The following CHRNB3 variants were observed in gnomAD, a reference collection of about 807,000 sequenced individuals.
CHRNB3 encodes the protein neuronal acetylcholine receptor subunit beta-3.
CHRNB3 carries 37 observed loss-of-function variants against 40.6 expected under a neutral mutation model. That is an observed-to-expected ratio of 0.91 (90% confidence interval 0.70 to 1.20). The LOEUF (loss-of-function observed/expected upper bound fraction) is 1.20. CHRNB3 is among the 50% of genes most tolerant of loss of function. The probability of loss-of-function intolerance (pLI) is 0.00; values close to 1 mark genes in which losing one functional copy is unlikely to be tolerated. For synonymous variants in CHRNB3, 207 were observed against 207.1 expected (o/e 1.00, Z 0.00); for missense variants, 505 against 551.2 (o/e 0.92, Z 0.84).
intron 5 of CHRNB3, 97 bp from the exon 6 acceptor site, chr8:42,736,387 C>T (rs1293423751): frequency 1.0e-5 from 15 of 1,429,542 alleles, no homozygotes; most frequent in Non-Finnish European, 1.4e-5. Context: ...TAAGTAAATG[C>T]TATAAATCTG....
intron 3 of CHRNB3, chr8:42,714,795 G>A (rs1816073572): frequency 6.6e-6 from 1 of 152,226 alleles, no homozygotes; most frequent in Admixed American, 6.5e-5. Flanking sequence ...AAACAGAACT[G>A]GAGAGTGGAA....
chr8:42,723,038 A>G (rs1346074116), intron 3 of CHRNB3, among the ~76,000 whole-genome samples: 1 of 143,108 alleles, frequency 7.0e-6, no homozygotes, highest in Non-Finnish European at 1.6e-5. Flanking sequence ...AAGATATCCT[A>G]TTACTTAGAT....
chr8:42,731,057 A>AAAATAAATAAAT (rs201920356), intron 4 of CHRNB3, among the ~76,000 whole-genome samples: 1 of 138,802 alleles, frequency 7.2e-6, no homozygotes, highest in African/African-American at 2.8e-5. Flanking sequence ...TCCGTCTCAA[A>AAAATAAATAAAT]AAATAAATAA....
At chr8:42,717,847 G>A (rs1455712985) in intron 3 of CHRNB3, among the ~76,000 whole-genome samples, 1 of 133,402 alleles carries the variant, frequency 7.5e-6, no homozygotes, top group South Asian at 2.4e-4. Context: ...TTTTTTTGAG[G>A]CAGAGTCTCA....
At chr8:42,718,678 A>C (rs796691249) in intron 3 of CHRNB3, among the ~76,000 whole-genome samples, 1 of 28,106 alleles carries the variant, frequency 3.6e-5, no homozygotes, top group African/African-American at 4.9e-5. Context: ...GTCTCAAAAA[A>C]AAAAAAAAAA....
chr8:42,710,546 A>T, intron 3 of CHRNB3, 112 bp downstream of exon 3: 1 of 850,096 alleles, frequency 1.2e-6, no homozygotes, highest in Admixed American at 2.6e-5. Context: ...TTCCTCAGGG[A>T]GATTTGTGGG....
Position 42,736,658 on chromosome 8 carries a change from G to A in CHRNB3, c.*40G>A. 1 of 1,610,416 alleles carries A rather than the reference G, an allele frequency of 6.2e-7. No individual in the cohort carries two copies. The highest frequency in any genetic ancestry group is 8.5e-7 in the Non-Finnish European group (1 of 1,177,532). On this transcript the variant is annotated 3_prime_UTR_variant, in exon 6 of 6. Transcript: ENST00000289957. ...TAAGACTAAATTACACCTTAGACCT[G>A]ACATCTGGCTATCACACAGACAGAA...
chr8:42,723,291 T>G (rs981576455), intron 3 of CHRNB3, among the ~76,000 whole-genome samples: 1 of 152,152 alleles, frequency 6.6e-6, no homozygotes, highest in African/African-American at 2.4e-5. Context: ...TTTTAACAGG[T>G]GTTTTGCTAT....
In CHRNB3 at chr8:42,727,170, C is replaced by T. The variant is rs562425091; in HGVS notation, c.250-3424C>T. Among the ~76,000 whole-genome samples the T allele has an allele frequency of 2.2e-4, 34 of 152,066 alleles. No homozygotes were observed. The South Asian group carries it at 5.4e-3, about 24-fold the overall frequency. On this transcript the variant is annotated intron_variant, in intron 3 of 5. Coordinates refer to ENST00000289957, the MANE Select transcript of CHRNB3 (RefSeq NM_000749.5). ...GCTGGATCACTTGAGGTCAGGAGTTCGAGACCAGCCTGGCCAACATAGTGA... is the reference window on the plus strand; with the variant it reads ...GCTGGATCACTTGAGGTCAGGAGTTTGAGACCAGCCTGGCCAACATAGTGA...
chr8:42,697,386 A>G lies in CHRNB3; in HGVS notation c.-161A>G. On this transcript the variant is annotated 5_prime_UTR_variant, in exon 1 of 6. Coordinates refer to ENST00000289957, the MANE Select transcript of CHRNB3 (RefSeq NM_000749.5). ...ACTTTGAGAAGCGGCACACTCGGCG[A>G]GAGGGGTTGAGATTGTTTTATTCCA... 1 of 599,482 alleles carries G rather than the reference A, an allele frequency of 1.7e-6. No homozygotes were observed. Among genetic ancestry groups the G allele is most frequent in the South Asian group, 2.1e-5 (1 of 47,522 alleles). 37.1% of individuals were successfully genotyped at this position (599,482 alleles called of 1,614,324 possible).
chr8:42,702,013 C>A (rs1010037802), intron 1 of CHRNB3, among the ~76,000 whole-genome samples: 3 of 152,170 alleles, frequency 2.0e-5, no homozygotes, highest in Non-Finnish European at 2.9e-5. Flanking sequence ...GAGTCCAATG[C>A]CTCTCATTAT....
Position 42,736,884 on chromosome 8 carries a change from T to A in CHRNB3, c.*266T>A, listed in dbSNP as rs1816535005. Reference sequence around the variant, plus strand: ...CAGGGAGGGATCATAGGTCCAGGCTTGAGCTCACATGTGGCCAGAGTGCAC... The same window carrying A: ...CAGGGAGGGATCATAGGTCCAGGCTAGAGCTCACATGTGGCCAGAGTGCAC... On this transcript the variant is annotated 3_prime_UTR_variant, in exon 6 of 6. Transcript: ENST00000289957. 4 of 451,344 alleles carry A rather than the reference T, an allele frequency of 8.9e-6. No individual in the cohort carries two copies. Among genetic ancestry groups the A allele is most frequent in the Non-Finnish European group, 1.6e-5 (4 of 254,126 alleles). The allele number at this position is 451,344 out of a possible 1,614,324, so 28.0% of individuals were successfully genotyped here.
At chr8:42,729,921 TA>T (rs147453520) in intron 3 of CHRNB3, among the ~76,000 whole-genome samples, 3,860 of 152,250 alleles carry the variant, frequency 0.025, 173 homozygotes, top group African/African-American at 0.088. Flanking sequence ...TCAGCCCCTG[TA>T]AAACATGCCA....
rs536686406 is a variant in CHRNB3 at position 42,713,721 on chromosome 8, TTTAA to T, written c.249+3290_249+3293del. Among the ~76,000 whole-genome samples the T allele has an allele frequency of 5.3e-5, 8 of 152,292 alleles. No individual in the cohort carries two copies. In the South Asian group the frequency reaches 1.5e-3, roughly 28 times the overall value. Reference sequence around the variant, plus strand: ...CCAATATCTATTGAGATTAATATACTTTAATTGTGTTTAATTCACAAATGCATAA... The same window carrying T: ...CCAATATCTATTGAGATTAATATACTTTGTGTTTAATTCACAAATGCATAA... On this transcript the variant is annotated intron_variant, in intron 3 of 5. Coordinates refer to ENST00000289957, the MANE Select transcript of CHRNB3 (RefSeq NM_000749.5).
rs1053084474 is a variant in CHRNB3 at position 42,731,682 on chromosome 8, C to T, written c.375C>T (p.Phe125=). 1.2e-6 allele frequency: 2 copies of T among 1,607,850 alleles called. No homozygotes were observed. The highest frequency in any genetic ancestry group is 1.3e-5 in the African/African-American group (1 of 74,780). Residue 125 remains phenylalanine (F), a synonymous_variant, in exon 5 of 6, where the codon TTC becomes TTT. Coordinates refer to ENST00000289957, the MANE Select transcript of CHRNB3 (RefSeq NM_000749.5). ...IVLFENADGR[F]EGSLMTKVIV... is the part of the protein sequence containing the mutation. ...TTGATTGCAGTGCTGACGGCCGCTTCGAAGGCTCCCTGATGACCAAGGTCA... is the reference window on the plus strand; with the variant it reads ...TTGATTGCAGTGCTGACGGCCGCTTTGAAGGCTCCCTGATGACCAAGGTCA...
At chr8:42,702,514 A>T (rs140271446) in intron 1 of CHRNB3, among the ~76,000 whole-genome samples, 1,718 of 152,140 alleles carry the variant, frequency 0.011, 37 homozygotes, top group African/African-American at 0.04. Context: ...ACGCCTGTAA[A>T]CCCAGCACTT....
intron 3 of CHRNB3, among the ~76,000 whole-genome samples, chr8:42,727,514 AG>A (rs1303545347): frequency 5.9e-5 from 9 of 152,180 alleles, no homozygotes; most frequent in Non-Finnish European, 1.0e-4. Flanking sequence ...GATAATGTTT[AG>A]TCTTCTCCAC....
intron 3 of CHRNB3, among the ~76,000 whole-genome samples, chr8:42,715,298 T>TA (rs1816080542): frequency 6.6e-6 from 1 of 152,142 alleles, no homozygotes. Flanking sequence ...CTTACAGGAC[T>TA]AACAGAAGTT....
In CHRNB3 at chr8:42,703,435, A is replaced by AAAAATATAT; in HGVS notation, c.53-5281_53-5280insAAATATATA. Reference sequence around the variant, plus strand: ...CAAGACTTCGTCTAAAAAAAAAAAAAATATTTATATATATATATATATATA... The same window carrying AAAAATATAT: ...CAAGACTTCGTCTAAAAAAAAAAAAAAAAATATATATATTTATATATATATATATATATA... On this transcript the variant is annotated intron_variant, in intron 1 of 5. Transcript: ENST00000289957. 2.1e-4 allele frequency among the ~76,000 whole-genome samples: 10 copies of AAAAATATAT among 47,400 alleles called. 1 individual carries two copies. Among genetic ancestry groups the AAAAATATAT allele is most frequent in the South Asian group, 1.8e-3 (2 of 1,134 alleles). 31.1% of individuals were successfully genotyped at this position (47,400 alleles called of 152,430 possible).
Sources: gnomAD v4.1 joint callset for allele counts (sites outside exome capture counted in the v4.1 genomes callset) on GRCh38, gnomAD v4.1.1 for gene constraint, MANE v1.5 for transcripts, NCBI Gene and HGNC (gene_info 2026-07-23, HGNC 2026-07-21) for gene names.